The following ICE1 variants were observed in gnomAD, a reference collection of about 807,000 sequenced individuals.
ICE1 encodes interactor of little elongation complex ELL subunit 1, also known as little elongation complex subunit 1.
Under a neutral mutation model 192.7 loss-of-function variants are expected in ICE1, and 64 were observed. That is an observed-to-expected ratio of 0.33 (90% CI 0.27 to 0.41). The LOEUF is 0.41. Ranked by LOEUF, ICE1 falls within the 10% of genes least tolerant of loss-of-function variation. The pLI is 1.00. For synonymous variants in ICE1, 1,010 were observed against 984.5 expected, an observed-to-expected ratio of 1.03 and a Z score of -0.49; for missense variants, 2,708 against 2,696.0, an observed-to-expected ratio of 1.00 and a Z score of -0.10.
At chr5:5,486,381 C>T (rs2111408764) in intron 17 of ICE1, among the ~76,000 whole-genome samples, 1 of 152,320 alleles carries the variant, frequency 6.6e-6, no homozygotes, top group Non-Finnish European at 1.5e-5. Flanking sequence ...CTGTAGACTA[C>T]ACTTGAGAAT....
At chr5:5,423,863 C>T (rs749453968) in intron 1 of ICE1, among the ~76,000 whole-genome samples, 18 of 152,168 alleles carry the variant, frequency 1.2e-4, no homozygotes, top group Admixed American at 4.6e-4. Context: ...AATAGGATCT[C>T]TCATAAGTAA....
At chr5:5,447,665 T>C (rs1431320063) in intron 8 of ICE1, 56 bp from the exon 9 acceptor site, 2 of 1,496,686 alleles carry the variant, frequency 1.3e-6, no homozygotes, top group Non-Finnish European at 1.8e-6. Flanking sequence ...ACATTTGGTC[T>C]AGAATGGCTG....
At position 5,464,136 on chromosome 5, in the gene ICE1, C is replaced by T; in HGVS notation, c.4802C>T (p.Thr1601Ile). The change falls in exon 13 of 19, where the codon ACT becomes ATT. Residue 1601 changes from threonine to isoleucine, a missense_variant. Physicochemically the swap from Thr to Ile is moderately conservative, Grantham distance 89. Coordinates refer to ENST00000296564, the MANE Select transcript of ICE1 (RefSeq NM_015325.3). The surrounding 1 kb of genome is among the most constrained non-coding windows in gnomAD (Gnocchi z 4.0). Reference sequence around the variant, plus strand: ...AATACAAAAACTCAAAGAAGCCAAACTCAGACCATTTTAGCAAATGCTGAT... The same window carrying T: ...AATACAAAAACTCAAAGAAGCCAAATTCAGACCATTTTAGCAAATGCTGAT... Reference protein sequence around the residue: ...KANTKTQRSQTQTILANADTS... With the variant: ...KANTKTQRSQIQTILANADTS... 6.2e-7 allele frequency: 1 copy of T among 1,613,648 alleles called. No individual in the cohort carries two copies. Among genetic ancestry groups the T allele is most frequent in the Non-Finnish European group, 8.5e-7 (1 of 1,179,890 alleles).
Position 5,468,968 on chromosome 5 carries a change from G to A in ICE1, c.6202G>A (p.Ala2068Thr). 1 of 1,518,846 alleles carries A rather than the reference G, an allele frequency of 6.6e-7. No individual in the cohort carries two copies. Among genetic ancestry groups the A allele is most frequent in the Admixed American group, 2.2e-5 (1 of 45,516 alleles). 94.1% of individuals were successfully genotyped at this position (1,518,846 alleles called of 1,614,324 possible). ...AKGEVLNCLR[A>T]FLNWEKNAPV... ...AGGAGAGGTTCTGAACTGCTTGAGA[G>A]CTTTTCTTAATTGGGAAAAGGTGAG... Residue 2068 changes from alanine (A) to threonine (T), a missense_variant, in exon 15 of 19, where the codon GCT becomes ACT. By Grantham distance (58) the Ala-to-Thr change is moderately conservative (BLOSUM62 0). Transcript: ENST00000296564.
Position 5,488,434 on chromosome 5 carries a change from C to A in ICE1, c.6620-715C>A, listed in dbSNP as rs541149305. Among the ~76,000 whole-genome samples, 5 of 152,276 alleles carry A rather than the reference C, an allele frequency of 3.3e-5. No individual in the cohort carries two copies. The South Asian group carries it at 1.0e-3, about 32-fold the overall frequency. On this transcript the variant is annotated intron_variant, in intron 18 of 18. Transcript: ENST00000296564. ...TCCAGTGAGTATTTCCTTTGTGGGT[C>A]ATGTTGATGCTCCAGAAGTTTCAGC... is the stretch of plus-strand genomic sequence containing the variant.
At chr5:5,441,322 A>G in intron 5 of ICE1, 99 bp downstream of exon 5, 1 of 717,202 alleles carries the variant, frequency 1.4e-6, no homozygotes, top group South Asian at 1.8e-5. Context: ...TGTTAAAGGA[A>G]ATAAAGGCTA....
At chr5:5,432,469 G>A (rs1186657153) in intron 1 of ICE1, among the ~76,000 whole-genome samples, 1 of 152,160 alleles carries the variant, frequency 6.6e-6, no homozygotes, top group Non-Finnish European at 1.5e-5. Context: ...TGGCTAGTTT[G>A]AAATAGTGCT....
chr5:5,423,636 G>A (rs1435307208), intron 1 of ICE1, among the ~76,000 whole-genome samples: 2 of 152,218 alleles, frequency 1.3e-5, no homozygotes, highest in Non-Finnish European at 2.9e-5. Context: ...TCTTTAGAGT[G>A]ACATAAGGGA....
intron 12 of ICE1, among the ~76,000 whole-genome samples, chr5:5,458,857 A>C (rs1738663357): frequency 6.6e-6 from 1 of 152,124 alleles, no homozygotes; most frequent in African/African-American, 2.4e-5. Context: ...CGGCTTAATA[A>C]GCAGCTCGCT....
intron 16 of ICE1, among the ~76,000 whole-genome samples, chr5:5,475,232 C>A (rs1438832184): frequency 2.0e-5 from 3 of 152,226 alleles, no homozygotes; most frequent in Admixed American, 6.5e-5. Context: ...ACCTGAGCAA[C>A]TGCCGACCCT....
chr5:5,479,145 G>A lies in ICE1; in HGVS notation c.6520+3066G>A, dbSNP rs113861949. 2.4e-3 allele frequency among the ~76,000 whole-genome samples: 372 copies of A among 152,158 alleles called. 3 individuals carry two copies. Among genetic ancestry groups the A allele is most frequent in the Middle Eastern group, 3.4e-3 (1 of 294 alleles). On this transcript the variant is annotated intron_variant, in intron 17 of 18. Coordinates refer to ENST00000296564, the MANE Select transcript of ICE1 (RefSeq NM_015325.3). ...CTTCTGCACAGCAAAAGAAACTACCGTCAGAATGAACAGGCATCCTACAGA... is the reference window on the plus strand; with the variant it reads ...CTTCTGCACAGCAAAAGAAACTACCATCAGAATGAACAGGCATCCTACAGA...
chr5:5,465,583 A>G (rs935279062), intron 13 of ICE1, among the ~76,000 whole-genome samples: 6 of 152,194 alleles, frequency 3.9e-5, no homozygotes, highest in African/African-American at 1.4e-4. Context: ...AGTTTTTGTT[A>G]CAAATCAAAC....
chr5:5,439,673 AT>A (rs1469299103), intron 3 of ICE1, among the ~76,000 whole-genome samples: 1 of 152,198 alleles, frequency 6.6e-6, no homozygotes, highest in Non-Finnish European at 1.5e-5. Flanking sequence ...AGAGAAACAG[AT>A]ATTTTGACTT....
chr5:5,463,881 A>G lies in ICE1; in HGVS notation c.4547A>G (p.Lys1516Arg), dbSNP rs760217870. The G allele has an allele frequency of 9.3e-6, 15 of 1,613,902 alleles. No homozygotes were observed. In the African/African-American group the frequency reaches 1.5e-4, roughly 16 times the overall value. The change falls in exon 13 of 19, where the codon AAG becomes AGG. Residue 1516 changes from lysine to arginine, a missense_variant. Coordinates refer to ENST00000296564, the MANE Select transcript of ICE1 (RefSeq NM_015325.3). ...AGTCGTTTGCGAAATAGACCCGTTA[A>G]GCCTAGTATATGGATTAGTTCTCAA... The part of the protein sequence containing the change: ...DKSRLRNRPV[K>R]PSIWISSQIY...
chr5:5,486,873 T>A, intron 18 of ICE1, 54 bp downstream of exon 18: 1 of 1,368,288 alleles, frequency 7.3e-7, no homozygotes, highest in Non-Finnish European at 1.0e-6. Flanking sequence ...TTCTCATAGT[T>A]AAACCTTTTT....
intron 13 of ICE1, 103 bp from the exon 14 acceptor site, chr5:5,466,230 AT>A (rs1180150813): frequency 1.9e-6 from 2 of 1,049,476 alleles, no homozygotes; most frequent in Non-Finnish European, 2.6e-6. Context: ...CGCAAGTTTT[AT>A]TTTTTCAATA....
In ICE1 at chr5:5,461,450, T is replaced by G. The variant is rs574788713; in HGVS notation, c.2116T>G (p.Leu706Val). The G allele has an allele frequency of 8.1e-6, 13 of 1,614,060 alleles. No individual in the cohort carries two copies. In the South Asian group the frequency reaches 1.2e-4, roughly 15 times the overall value. The change falls in exon 13 of 19, where the codon TTG becomes GTG. Residue 706 changes from leucine to valine, a missense_variant. Transcript: ENST00000296564. ...CAACTTGGAGAATAGCTTGTGTGCC[T>G]TGAGCCCTGAATTGGGAGCATCTAA... Reference protein sequence around the residue: ...GNNLENSLCALSPELGASNFN... With the variant: ...GNNLENSLCAVSPELGASNFN...
rs1450067924 is a variant in ICE1 at position 5,462,226 on chromosome 5, C to A, written c.2892C>A (p.Ile964=). The change falls in exon 13 of 19, where the codon ATC becomes ATA. Residue 964 remains isoleucine, a synonymous_variant. Transcript: ENST00000296564. ...GATTATCTTTCTCTCCTGAAAATATCCTCATCCAAAACCAAGACATTGTGA... is the reference window on the plus strand; with the variant it reads ...GATTATCTTTCTCTCCTGAAAATATACTCATCCAAAACCAAGACATTGTGA... The part of the protein sequence containing the change: ...NSRLSFSPEN[I]LIQNQDIVRE... 1 of 1,610,670 alleles carries A rather than the reference C, an allele frequency of 6.2e-7. No individual in the cohort carries two copies. The highest frequency in any genetic ancestry group is 1.3e-5 in the African/African-American group (1 of 75,006).
chr5:5,446,799 A>C (rs1213067008), intron 7 of ICE1, among the ~76,000 whole-genome samples: 1 of 152,218 alleles, frequency 6.6e-6, no homozygotes, highest in East Asian at 1.9e-4. Flanking sequence ...GAGGTGTTTC[A>C]TGGAGTTTTA....
Sources: gnomAD v4.1 joint callset for allele counts (sites outside exome capture counted in the v4.1 genomes callset) on GRCh38, gnomAD v4.1.1 for gene constraint, Gnocchi (gnomAD v3.1) non-coding constraint, MANE v1.5 for transcripts, NCBI Gene and HGNC (gene_info 2026-07-23, HGNC 2026-07-21) for gene names.